The following DLGAP1 variants were observed in gnomAD, a reference collection of about 807,000 sequenced individuals.
The protein encoded by DLGAP1 is disks large-associated protein 1.
A neutral mutation model predicts 90.8 loss-of-function variants in DLGAP1; 11 were observed. The ratio of observed to expected loss-of-function variants is 0.12; its 90% CI spans 0.08 to 0.20. The LOEUF (loss-of-function observed/expected upper bound fraction) is 0.20. Among genes scored for constraint, DLGAP1 ranks in the 10% least tolerant of loss-of-function variants. The pLI is 1.00. For synonymous variants in DLGAP1, 558 were observed against 540.7 expected (o/e 1.03, Z -0.44); for missense variants, 1,050 against 1,333.8 (o/e 0.79, Z 3.31).
At chr18:3,933,011 C>A (rs1020407378) in intron 3 of DLGAP1, among the ~76,000 whole-genome samples, 2 of 152,264 alleles carry the variant, frequency 1.3e-5, no homozygotes, top group Admixed American at 6.5e-5. Flanking sequence ...GAGTTCCCCA[C>A]TTAGAGCAAC....
chr18:4,384,224 A>C (rs2082186218), intron 1 of DLGAP1, among the ~76,000 whole-genome samples: 1 of 152,154 alleles, frequency 6.6e-6, no homozygotes, highest in Admixed American at 6.6e-5. Flanking sequence ...TTGCAGAGCT[A>C]AATTTTCATT....
intron 4 of DLGAP1, among the ~76,000 whole-genome samples, chr18:3,872,571 T>G (rs1323133276): frequency 6.6e-6 from 1 of 152,080 alleles, no homozygotes; most frequent in East Asian, 1.9e-4. Context: ...AAACCCAAAG[T>G]GGTGGAAAAC....
At chr18:3,737,784 C>G (rs2062715860) in intron 6 of DLGAP1, among the ~76,000 whole-genome samples, 1 of 141,268 alleles carries the variant, frequency 7.1e-6, no homozygotes. Context: ...GGCAATTAGG[C>G]AGGAGAAGGA....
At chr18:4,203,852 T>C (rs907783882) in intron 1 of DLGAP1, among the ~76,000 whole-genome samples, 2 of 152,124 alleles carry the variant, frequency 1.3e-5, no homozygotes, top group Admixed American at 6.5e-5. Context: ...GAACACAGGG[T>C]GCTTTGAGGC....
chr18:4,155,195 T>C (rs2076736020), intron 1 of DLGAP1, among the ~76,000 whole-genome samples: 1 of 152,074 alleles, frequency 6.6e-6, no homozygotes, highest in African/African-American at 2.4e-5. Flanking sequence ...GTGTTCCTGG[T>C]TGGTCTTGGG....
chr18:4,026,427 C>T (rs1179868772), intron 2 of DLGAP1, among the ~76,000 whole-genome samples: 1 of 152,122 alleles, frequency 6.6e-6, no homozygotes. Context: ...AGGGGTTTTG[C>T]ACTTTTCAGG....
At chr18:3,765,332 A>G (rs192097997) in intron 5 of DLGAP1, among the ~76,000 whole-genome samples, 5,197 of 149,666 alleles carry the variant, frequency 0.035, 176 homozygotes, top group Middle Eastern at 0.087. Flanking sequence ...GGGTTTCACC[A>G]TGTTAGCCAG....
rs116333221 is a variant in DLGAP1 at position 4,221,648 on chromosome 18, C to T, written c.-266-70361G>A. ...GCAGACGTGAAGTTGACTGACAGTA[C>T]ACGGTAGTTTGAGCACAAAATCAAC... On this transcript the variant is annotated intron_variant, in intron 1 of 12. Transcript: ENST00000315677. Among the ~76,000 whole-genome samples, 516 of 152,256 alleles carry T rather than the reference C, an allele frequency of 3.4e-3. 5 individuals are homozygous for T. The highest frequency in any genetic ancestry group is 0.012 in the African/African-American group (495 of 41,560).
chr18:4,087,361 T>C (rs2075702361), intron 2 of DLGAP1, among the ~76,000 whole-genome samples: 2 of 152,108 alleles, frequency 1.3e-5, no homozygotes, highest in African/African-American at 4.8e-5. Context: ...AAGGAACACC[T>C]GGCCCACCCA....
intron 7 of DLGAP1, among the ~76,000 whole-genome samples, chr18:3,670,475 A>C (rs954761800): frequency 2.6e-5 from 4 of 152,206 alleles, no homozygotes; most frequent in African/African-American, 9.6e-5. Context: ...TCTCCCATTT[A>C]TTCCCCCAAT....
chr18:3,978,191 C>T, intron 3 of DLGAP1: 1 of 423,086 alleles, frequency 2.4e-6, no homozygotes, highest in South Asian at 1.8e-5. Flanking sequence ...GGAGGCGTTG[C>T]CGATGATCTT....
chr18:4,229,353 G>A (rs1307342776), intron 1 of DLGAP1, among the ~76,000 whole-genome samples: 1 of 151,952 alleles, frequency 6.6e-6, no homozygotes, highest in Non-Finnish European at 1.5e-5. Flanking sequence ...AACCAAAAAA[G>A]ACCCAGAATA....
chr18:3,625,959 C>T (rs1416585599), intron 7 of DLGAP1, among the ~76,000 whole-genome samples: 1 of 152,150 alleles, frequency 6.6e-6, no homozygotes, highest in Non-Finnish European at 1.5e-5. Flanking sequence ...TAAATTAATT[C>T]TGAGGGACAG....
At chr18:4,061,391 T>C (rs1037078786) in intron 2 of DLGAP1, among the ~76,000 whole-genome samples, 3 of 143,890 alleles carry the variant, frequency 2.1e-5, no homozygotes, top group African/African-American at 7.8e-5. Context: ...CTTATAAAAA[T>C]CTGTGTGTGA....
chr18:3,624,881 C>T (rs569977738), intron 7 of DLGAP1, among the ~76,000 whole-genome samples: 27 of 152,286 alleles, frequency 1.8e-4, no homozygotes, highest in Admixed American at 1.5e-3. Flanking sequence ...AAGACCCACC[C>T]AGGTAGTACT....
chr18:3,619,732 T>C (rs1025874213), intron 7 of DLGAP1, among the ~76,000 whole-genome samples: 20 of 145,646 alleles, frequency 1.4e-4, no homozygotes, highest in Non-Finnish European at 1.5e-4. Context: ...GATGCTCTTT[T>C]AGTTTTTTCC....
chr18:3,879,156 T>C lies in DLGAP1; in HGVS notation c.913A>G (p.Lys305Glu). Residue 305 changes from lysine (K) to glutamate (E), a missense_variant, in exon 4 of 13, where the codon AAG (lysine) becomes GAG (glutamate). By Grantham distance (56) the Lys-to-Glu change is moderately conservative. Coordinates refer to ENST00000315677, the MANE Select transcript of DLGAP1 (RefSeq NM_004746.4). The surrounding 1 kb of genome is among the most constrained non-coding windows in gnomAD (Gnocchi z 6.6). ...CGTTCTTGCTGACACGACTCGGACT[T>C]CACCATGGCCTGGTCCATGTTCACC... Reference protein sequence around the residue: ...ASVNMDQAMVKSESCQQERSC... With the variant: ...ASVNMDQAMVESESCQQERSC... 1 of 1,509,748 alleles carries C rather than the reference T, an allele frequency of 6.6e-7. No individual in the cohort carries two copies. Among genetic ancestry groups the C allele is most frequent in the South Asian group, 1.3e-5 (1 of 74,436 alleles). 93.5% of individuals were successfully genotyped at this position (1,509,748 alleles called of 1,614,324 possible).
intron 4 of DLGAP1, among the ~76,000 whole-genome samples, chr18:3,835,798 G>T (rs774231679): frequency 6.6e-6 from 1 of 152,084 alleles, no homozygotes; most frequent in African/African-American, 2.4e-5. Flanking sequence ...CATAAACATG[G>T]TTGGAAAGTT....
At chr18:3,809,702 T>A (rs1344530176) in intron 5 of DLGAP1, among the ~76,000 whole-genome samples, 2 of 152,230 alleles carry the variant, frequency 1.3e-5, no homozygotes, top group African/African-American at 4.8e-5. Flanking sequence ...TAAGACACTT[T>A]AAACTATTAT....
Sources: allele counts gnomAD v4.1 joint callset (sites outside exome capture counted in the v4.1 genomes callset), GRCh38; gene constraint gnomAD v4.1.1; non-coding constraint Gnocchi (gnomAD v3.1); transcripts MANE v1.5; gene names NCBI Gene and HGNC (gene_info 2026-07-23, HGNC 2026-07-21).